The following FGGY variants were observed in gnomAD, a reference collection of about 807,000 sequenced individuals.
FGGY encodes FGGY carbohydrate kinase domain-containing protein.
In FGGY, 72 loss-of-function variants were observed where a neutral mutation model predicts 71.3. That is an observed-to-expected ratio of 1.01 (90% confidence interval 0.84 to 1.23). The LOEUF (loss-of-function observed/expected upper bound fraction) is 1.23. FGGY is among the 50% of genes most tolerant of loss of function. The pLI is 0.00. For synonymous variants in FGGY, 251 were observed against 250.3 expected (o/e 1.00, Z -0.02); for missense variants, 668 against 682.3 (o/e 0.98, Z 0.23).
chr1:59,538,024 G>T (rs2095363310), intron 7 of FGGY, among the ~76,000 whole-genome samples: 2 of 152,228 alleles, frequency 1.3e-5, no homozygotes, highest in South Asian at 4.1e-4. Flanking sequence ...AAGAGCTTCT[G>T]CACAGCAAAA....
intron 7 of FGGY, among the ~76,000 whole-genome samples, chr1:59,517,086 C>T (rs2094676740): frequency 6.6e-6 from 1 of 152,026 alleles, no homozygotes; most frequent in East Asian, 1.9e-4. Context: ...GCTTTGTTTG[C>T]ACTTTGTGGG....
intron 9 of FGGY, among the ~76,000 whole-genome samples, chr1:59,608,116 C>A (rs1320196348): frequency 2.6e-5 from 4 of 152,140 alleles, no homozygotes; most frequent in African/African-American, 9.7e-5. Flanking sequence ...CAGTGATGAC[C>A]AGCCCTTCTT....
chr1:59,735,705 G>T (rs907633469), intron 14 of FGGY, among the ~76,000 whole-genome samples: 2 of 152,170 alleles, frequency 1.3e-5, no homozygotes, highest in East Asian at 3.8e-4. Context: ...TTAGAGGCAG[G>T]TTTCAAAACG....
intron 14 of FGGY, among the ~76,000 whole-genome samples, chr1:59,743,033 T>G (rs2098163699): frequency 6.6e-6 from 1 of 152,230 alleles, no homozygotes; most frequent in African/African-American, 2.4e-5. Flanking sequence ...TCCTTGACTT[T>G]GGCATAACTC....
intron 14 of FGGY, among the ~76,000 whole-genome samples, chr1:59,689,159 G>A (rs539800913): frequency 1.3e-5 from 2 of 152,288 alleles, no homozygotes; most frequent in Admixed American, 6.5e-5. Context: ...AGAGAGTGCT[G>A]TTGCATAATC....
intron 6 of FGGY, among the ~76,000 whole-genome samples, chr1:59,509,204 C>T (rs1183046252): frequency 4.6e-5 from 7 of 152,194 alleles, no homozygotes; most frequent in Non-Finnish European, 7.3e-5. Context: ...CCTATATCCA[C>T]GCAACCACTG....
At chr1:59,567,066 A>G (rs1271304905) in intron 8 of FGGY, among the ~76,000 whole-genome samples, 1 of 152,208 alleles carries the variant, frequency 6.6e-6, no homozygotes, top group African/African-American at 2.4e-5. Context: ...AATACCAGTT[A>G]GCAACTGTAA....
intron 14 of FGGY, among the ~76,000 whole-genome samples, chr1:59,674,548 A>G (rs2097417699): frequency 1.3e-5 from 2 of 152,348 alleles, no homozygotes; most frequent in African/African-American, 4.8e-5. Context: ...AGAGACACAA[A>G]TGAAACTGTC....
chr1:59,308,551 C>T (rs999486332), intron 1 of FGGY, among the ~76,000 whole-genome samples: 21 of 152,160 alleles, frequency 1.4e-4, no homozygotes, highest in African/African-American at 1.9e-4. Context: ...TTATACAATA[C>T]AGTGGTTCTC....
At chr1:59,383,372 G>A (rs889303788) in intron 5 of FGGY, among the ~76,000 whole-genome samples, 3 of 152,100 alleles carry the variant, frequency 2.0e-5, no homozygotes, top group African/African-American at 4.8e-5. Flanking sequence ...TGAGAGATTG[G>A]AAGTGTTTTA....
At chr1:59,339,623 C>G (rs1264408119) in intron 2 of FGGY, among the ~76,000 whole-genome samples, 1 of 152,092 alleles carries the variant, frequency 6.6e-6, no homozygotes, top group East Asian at 1.9e-4. Flanking sequence ...CACCACCATG[C>G]CTGGCTAATT....
At chr1:59,301,901 CT>C (rs60018175) in intron 1 of FGGY, among the ~76,000 whole-genome samples, 167 of 138,322 alleles carry the variant, frequency 1.2e-3, no homozygotes, top group Admixed American at 1.4e-3. Context: ...TTCTTTCTTT[CT>C]TTTTTTTTTT....
intron 5 of FGGY, among the ~76,000 whole-genome samples, chr1:59,442,271 G>A (rs2070107808): frequency 6.6e-6 from 1 of 152,132 alleles, no homozygotes; most frequent in South Asian, 2.1e-4. Context: ...AAATGGCTAA[G>A]TCACAAAATT....
At chr1:59,589,229 A>G (rs2096377051) in intron 8 of FGGY, among the ~76,000 whole-genome samples, 1 of 152,134 alleles carries the variant, frequency 6.6e-6, no homozygotes, top group Non-Finnish European at 1.5e-5. Context: ...CAATTCAACA[A>G]GAGCTAACCA....
chr1:59,393,488 A>AG (rs1491506538), intron 5 of FGGY, among the ~76,000 whole-genome samples: 2 of 150,784 alleles, frequency 1.3e-5, no homozygotes, highest in Non-Finnish European at 3.0e-5. Flanking sequence ...TCTGTGAAAC[A>AG]GGGGGTGTTT....
At chr1:59,543,476 C>T (rs1178374211) in intron 7 of FGGY, among the ~76,000 whole-genome samples, 1 of 152,202 alleles carries the variant, frequency 6.6e-6, no homozygotes, top group Non-Finnish European at 1.5e-5. Flanking sequence ...CTCTAACCCT[C>T]CCCAGGGAAA....
At position 59,626,050 on chromosome 1, in the gene FGGY, G is replaced by A. The variant is rs368830084; in HGVS notation, c.1073+1G>A. ...AACTACAAGTAAAGGCCACAGCCAG[G>A]TAACTGCTGTCTCTGTTCCCTCTAA... On this transcript the variant is annotated splice_donor_variant, in intron 10 of 15. Coordinates refer to ENST00000303721, the MANE Select transcript of FGGY (RefSeq NM_018291.5). LOFTEE classifies it high-confidence loss of function. 13 of 1,612,804 alleles carry A rather than the reference G, an allele frequency of 8.1e-6. No individual in the cohort carries two copies. Among genetic ancestry groups the A allele is most frequent in the Non-Finnish European group, 9.3e-6 (11 of 1,179,146 alleles).
intron 2 of FGGY, among the ~76,000 whole-genome samples, chr1:59,331,536 G>T (rs947235772): frequency 6.6e-6 from 1 of 152,082 alleles, no homozygotes; most frequent in Non-Finnish European, 1.5e-5. Flanking sequence ...TCTTTCAGGT[G>T]TATCCTCAAA....
At chr1:59,387,592 A>T (rs568783500) in intron 5 of FGGY, among the ~76,000 whole-genome samples, 63 of 152,202 alleles carry the variant, frequency 4.1e-4, no homozygotes, top group Middle Eastern at 3.4e-3. Flanking sequence ...TTAAAAAAAA[A>T]TTTTTTTGCA....
Sources: allele counts gnomAD v4.1 joint callset (sites outside exome capture counted in the v4.1 genomes callset), GRCh38; gene constraint gnomAD v4.1.1; transcripts MANE v1.5; gene names NCBI Gene and HGNC (gene_info 2026-07-23, HGNC 2026-07-21).